Variants in TSHZ1 observed in about 807,000 individuals in gnomAD.
TSHZ1 encodes the protein teashirt zinc finger homeobox 1, also known as teashirt homolog 1.
TSHZ1 carries 12 observed loss-of-function variants against 67.1 expected under a neutral mutation model. The ratio of observed to expected loss-of-function variants is 0.18; its 90% CI spans 0.11 to 0.29. The LOEUF is 0.29. Among genes scored for constraint, TSHZ1 ranks in the 10% least tolerant of loss-of-function variants. TSHZ1 has a pLI of 1.00. For synonymous variants in TSHZ1, 632 were observed against 622.4 expected (o/e 1.02, Z -0.23); for missense variants, 1,305 against 1,413.9 (o/e 0.92, Z 1.23).
intron 1 of TSHZ1, among the ~76,000 whole-genome samples, chr18:75,222,541 G>A (rs761422924): frequency 6.6e-6 from 1 of 152,052 alleles, no homozygotes; most frequent in Non-Finnish European, 1.5e-5. Flanking sequence ...GTCGAGGGAT[G>A]GTCCGGGGCT....
At chr18:75,250,156 C>T (rs2122565449) in intron 1 of TSHZ1, among the ~76,000 whole-genome samples, 1 of 151,684 alleles carries the variant, frequency 6.6e-6, no homozygotes, top group East Asian at 1.9e-4. Context: ...GGGTGACTTC[C>T]TCCTCCCCCT....
At chr18:75,236,897 G>A (rs35891339) in intron 1 of TSHZ1, among the ~76,000 whole-genome samples, 2,909 of 152,314 alleles carry the variant, frequency 0.019, 40 homozygotes, top group Non-Finnish European at 0.033. Flanking sequence ...GGTCATGTAA[G>A]TTAAGCCCAG....
At chr18:75,273,635 C>T (rs780356041) in intron 1 of TSHZ1, among the ~76,000 whole-genome samples, 1 of 152,050 alleles carries the variant, frequency 6.6e-6, no homozygotes, top group Non-Finnish European at 1.5e-5. Context: ...CGTTGTAAAC[C>T]GTCAGCTCAC....
intron 1 of TSHZ1, among the ~76,000 whole-genome samples, chr18:75,243,088 C>A (rs973754574): frequency 6.6e-6 from 1 of 152,176 alleles, no homozygotes; most frequent in South Asian, 2.1e-4. Flanking sequence ...ACCTGGAGCA[C>A]AGCCTAGGAT....
chr18:75,287,434 A>T lies in TSHZ1; in HGVS notation c.2027A>T (p.Glu676Val). 1 of 1,614,202 alleles carries T rather than the reference A, an allele frequency of 6.2e-7. No individual in the cohort carries two copies. The highest frequency in any genetic ancestry group is 8.5e-7 in the Non-Finnish European group (1 of 1,180,040). Residue 676 changes from glutamate to valine, a missense_variant, in exon 2 of 2, where the codon GAG becomes GTG. Glu to Val is a moderately radical substitution (Grantham distance 121). Coordinates refer to ENST00000580243, the MANE Select transcript of TSHZ1 (RefSeq NM_001308210.2). The surrounding 1 kb of genome is among the most constrained non-coding windows in gnomAD (Gnocchi z 5.0). ...AAGGCTGCGTCCCCCATAGCAAAAGAGAATAAAGATTTCCCGAAAACGGAG... is the reference window on the plus strand; with the variant it reads ...AAGGCTGCGTCCCCCATAGCAAAAGTGAATAAAGATTTCCCGAAAACGGAG... Reference protein sequence around the residue: ...LAKAASPIAKENKDFPKTEEV... With the variant: ...LAKAASPIAKVNKDFPKTEEV...
rs545305043 is a variant in TSHZ1, at chr18:75,289,304, C to T, written c.*663C>T. ...AAACAACAACAACAGATACCCCACT[C>T]GCCACTATGCCCAAACCCTCTGGAT... On this transcript the variant is annotated 3_prime_UTR_variant, in exon 2 of 2. Transcript: ENST00000580243. 7.2e-5 allele frequency: 12 copies of T among 166,824 alleles called. No homozygotes were observed. The highest frequency in any genetic ancestry group is 5.9e-4 in the Admixed American group (9 of 15,292). The allele number at this position is 166,824 out of a possible 1,614,324, so 10.3% of individuals were successfully genotyped here. A position where few individuals can be genotyped will look rare whatever the true frequency, so the allele number is the denominator to read the frequency against.
Position 75,211,230 on chromosome 18 carries a change from TC to T in TSHZ1, c.-641del, listed in dbSNP as rs2022677347. ...GGAAGGTGGAGCAGCGCCTGACATC[TC>T]CCCCCGGCGCATGTATGTACGGGGG... is the stretch of plus-strand genomic sequence containing the variant. On this transcript the variant is annotated 5_prime_UTR_variant, in exon 1 of 2. Transcript: ENST00000580243. 1.3e-5 allele frequency: 2 copies of T among 151,702 alleles called. No homozygotes were observed. The highest frequency in any genetic ancestry group is 6.6e-5 in the Admixed American group (1 of 15,228). 9.4% of individuals were successfully genotyped at this position (151,702 alleles called of 1,614,324 possible). A position where few individuals can be genotyped will look rare whatever the true frequency, so the allele number is the denominator to read the frequency against.
chr18:75,286,908 G>C lies in TSHZ1; in HGVS notation c.1501G>C (p.Glu501Gln). The C allele has an allele frequency of 6.2e-7, 1 of 1,614,172 alleles. No homozygotes were observed. Among genetic ancestry groups the C allele is most frequent in the Non-Finnish European group, 8.5e-7 (1 of 1,180,034 alleles). The change falls in exon 2 of 2, where the codon GAG becomes CAG. Residue 501 changes from glutamate (E) to glutamine (Q), a missense_variant. Glu to Gln is a conservative substitution (Grantham distance 29, BLOSUM62 2). Coordinates refer to ENST00000580243, the MANE Select transcript of TSHZ1 (RefSeq NM_001308210.2). The surrounding 1 kb of genome is among the most constrained non-coding windows in gnomAD (Gnocchi z 5.1). Reference protein sequence around the residue: ...AGSTTSEEKKEPEKEKPPVAG... With the variant: ...AGSTTSEEKKQPEKEKPPVAG... Reference sequence around the variant, plus strand: ...GTCCACGACTTCTGAAGAAAAGAAAGAGCCAGAGAAGGAGAAGCCGCCTGT... The same window carrying C: ...GTCCACGACTTCTGAAGAAAAGAAACAGCCAGAGAAGGAGAAGCCGCCTGT...
intron 1 of TSHZ1, among the ~76,000 whole-genome samples, chr18:75,213,114 G>A (rs796470303): frequency 1.3e-5 from 2 of 152,134 alleles, no homozygotes; most frequent in African/African-American, 4.8e-5. Context: ...GTCTTTATAC[G>A]TGCTTTTTCT....
intron 1 of TSHZ1, among the ~76,000 whole-genome samples, chr18:75,260,788 A>G (rs1422165265): frequency 1.3e-5 from 2 of 152,194 alleles, no homozygotes; most frequent in Non-Finnish European, 2.9e-5. Flanking sequence ...ATGCCCAGGC[A>G]TCAGACCCAA....
In TSHZ1 at chr18:75,233,646, G is replaced by A. The variant is rs558295290; in HGVS notation, c.40+21730G>A. Among the ~76,000 whole-genome samples, 18 of 152,288 alleles carry A rather than the reference G, an allele frequency of 1.2e-4. No homozygotes were observed. The South Asian group carries it at 3.7e-3, about 32-fold the overall frequency. On this transcript the variant is annotated intron_variant, in intron 1 of 1. Coordinates refer to ENST00000580243, the MANE Select transcript of TSHZ1 (RefSeq NM_001308210.2). ...TGTTGGAAATCTGCAAGTGCTCATA[G>A]CTTCTGCGTTTACAGAACCCTGAAA... is the stretch of plus-strand genomic sequence containing the variant.
In TSHZ1 at chr18:75,226,588, T is replaced by A. The variant is rs573173923; in HGVS notation, c.40+14672T>A. Among the ~76,000 whole-genome samples the A allele has an allele frequency of 1.3e-4, 19 of 151,236 alleles. No homozygotes were observed. In the South Asian group the frequency reaches 1.5e-3, roughly 12 times the overall value. On this transcript the variant is annotated intron_variant, in intron 1 of 1. Transcript: ENST00000580243. Reference sequence around the variant, plus strand: ...TTTTTCAACTTTTTTTTTTTTTTTTTAAATCCTAAGTCTATCTTTCACTTT... The same window carrying A: ...TTTTTCAACTTTTTTTTTTTTTTTTAAAATCCTAAGTCTATCTTTCACTTT...
chr18:75,271,186 A>G (rs574039889), intron 1 of TSHZ1, among the ~76,000 whole-genome samples: 2 of 152,304 alleles, frequency 1.3e-5, no homozygotes, highest in Admixed American at 6.5e-5. Flanking sequence ...AGCCGATCAG[A>G]AGAAATAGGA....
intron 1 of TSHZ1, among the ~76,000 whole-genome samples, chr18:75,228,561 T>A (rs2022955196): frequency 6.6e-6 from 1 of 152,238 alleles, no homozygotes. Flanking sequence ...AGCATGATGC[T>A]GTGGGGAGAA....
intron 1 of TSHZ1, among the ~76,000 whole-genome samples, chr18:75,231,715 A>G (rs1454394568): frequency 6.6e-6 from 1 of 151,760 alleles, no homozygotes; most frequent in Non-Finnish European, 1.5e-5. Flanking sequence ...TTGTATTTTT[A>G]GTAGAGACAG....
intron 1 of TSHZ1, among the ~76,000 whole-genome samples, chr18:75,224,714 T>C (rs1350587092): frequency 6.6e-6 from 1 of 152,170 alleles, no homozygotes; most frequent in Non-Finnish European, 1.5e-5. Context: ...AAGGTTGACT[T>C]TGAATCAATG....
intron 1 of TSHZ1, among the ~76,000 whole-genome samples, chr18:75,255,049 A>G (rs866904614): frequency 1.6e-4 from 24 of 152,216 alleles, no homozygotes; most frequent in African/African-American, 5.1e-4. Flanking sequence ...TTTTGCATAT[A>G]GTCTCTCGAT....
chr18:75,227,507 A>G (rs1299447167), intron 1 of TSHZ1, among the ~76,000 whole-genome samples: 2 of 151,708 alleles, frequency 1.3e-5, no homozygotes, highest in Non-Finnish European at 2.9e-5. Flanking sequence ...AGTGCAAAGG[A>G]AAAAAAAAGT....
At chr18:75,251,635 A>C (rs2122568144) in intron 1 of TSHZ1, among the ~76,000 whole-genome samples, 1 of 152,108 alleles carries the variant, frequency 6.6e-6, no homozygotes, top group East Asian at 1.9e-4. Flanking sequence ...GGTATTTTTT[A>C]ATTTGACAAT....
Sources: gnomAD v4.1 joint callset for allele counts (sites outside exome capture counted in the v4.1 genomes callset) on GRCh38, gnomAD v4.1.1 for gene constraint, Gnocchi (gnomAD v3.1) non-coding constraint, MANE v1.5 for transcripts, NCBI Gene and HGNC (gene_info 2026-07-23, HGNC 2026-07-21) for gene names.